The following KCNK2 variants were observed in gnomAD, a reference collection of about 807,000 sequenced individuals.
KCNK2 encodes potassium channel subfamily K member 2.
In KCNK2, 21 loss-of-function variants were observed where a neutral mutation model predicts 40.5. That is an observed-to-expected ratio of 0.52 (90% confidence interval 0.37 to 0.75). KCNK2 has a LOEUF of 0.75. Among genes scored for constraint, KCNK2 ranks in the 30% least tolerant of loss-of-function variants. KCNK2 has a pLI of 0.00. For missense variants in KCNK2, 399 were observed against 531.6 expected, an observed-to-expected ratio of 0.75 and a Z score of 2.45; for synonymous variants, 191 against 202.2, an observed-to-expected ratio of 0.94 and a Z score of 0.47.
chr1:215,119,876 T>C (rs1233490429), intron 2 of KCNK2, among the ~76,000 whole-genome samples: 4 of 152,210 alleles, frequency 2.6e-5, no homozygotes, highest in Non-Finnish European at 5.9e-5. Context: ...ATTGGAAAAG[T>C]ACTCTGATGA....
At chr1:215,215,241 A>G (rs1449928153) in intron 6 of KCNK2, among the ~76,000 whole-genome samples, 1 of 152,060 alleles carries the variant, frequency 6.6e-6, no homozygotes, top group East Asian at 1.9e-4. Context: ...GGCAATAGGT[A>G]ATACTGGTAA....
intron 3 of KCNK2, among the ~76,000 whole-genome samples, chr1:215,141,226 C>T (rs1388723400): frequency 6.6e-6 from 1 of 152,012 alleles, no homozygotes. Flanking sequence ...GGAGTACAAT[C>T]TAAAATAATA....
intron 6 of KCNK2, among the ~76,000 whole-genome samples, chr1:215,209,325 TA>T (rs1665470867): frequency 2.8e-4 from 7 of 25,146 alleles, no homozygotes; most frequent in Non-Finnish European, 4.5e-4. Context: ...AATATACACA[TA>T]TTTTTATATA....
At chr1:215,092,299 C>G (rs1385217440) in intron 2 of KCNK2, among the ~76,000 whole-genome samples, 1 of 152,068 alleles carries the variant, frequency 6.6e-6, no homozygotes, top group Non-Finnish European at 1.5e-5. Flanking sequence ...GAATGGGGCT[C>G]CCACTTTCCT....
chr1:215,079,070 A>C (rs529016919), upstream of KCNK2, among the ~76,000 whole-genome samples: 4 of 152,342 alleles, frequency 2.6e-5, no homozygotes, highest in East Asian at 7.7e-4. Context: ...AAAGCACCAG[A>C]ATAAGGGCAG....
At chr1:215,005,562 G>A (rs1656097469), upstream of KCNK2, among the ~76,000 whole-genome samples, 1 of 152,220 alleles carries the variant, frequency 6.6e-6, no homozygotes, top group Admixed American at 6.5e-5. Flanking sequence ...GAGAATAAGT[G>A]ACGCTGGCAA....
chr1:215,086,055 A>C (rs764636244), intron 1 of KCNK2, among the ~76,000 whole-genome samples: 4 of 152,154 alleles, frequency 2.6e-5, no homozygotes, highest in Non-Finnish European at 4.4e-5. Flanking sequence ...CAGTGGACAG[A>C]TGTAAATTTA....
intron 2 of KCNK2, among the ~76,000 whole-genome samples, chr1:215,116,692 C>G (rs1006862010): frequency 6.6e-6 from 1 of 152,006 alleles, no homozygotes; most frequent in Non-Finnish European, 1.5e-5. Context: ...TCCTTAAAGT[C>G]TGGTGTGCAG....
chr1:215,137,075 A>G (rs12071718), intron 3 of KCNK2, among the ~76,000 whole-genome samples: 1,900 of 152,272 alleles, frequency 0.012, 45 homozygotes, highest in African/African-American at 0.043. Context: ...TGATGGTTTC[A>G]TCAGTGAAAT....
chr1:215,039,712 T>A (rs755906386), intron 1 of KCNK2, among the ~76,000 whole-genome samples: 1 of 152,178 alleles, frequency 6.6e-6, no homozygotes, highest in Non-Finnish European at 1.5e-5. Flanking sequence ...ATTCCCTTTC[T>A]ACAAGTGCTT....
intron 1 of KCNK2, among the ~76,000 whole-genome samples, chr1:215,024,188 G>C (rs1288628064): frequency 6.6e-6 from 1 of 152,160 alleles, no homozygotes; most frequent in Non-Finnish European, 1.5e-5. Flanking sequence ...GGACTCACTG[G>C]AACTACCAGA....
At chr1:215,126,823 G>C (rs1055797388) in intron 3 of KCNK2, among the ~76,000 whole-genome samples, 1 of 152,058 alleles carries the variant, frequency 6.6e-6, no homozygotes, top group African/African-American at 2.4e-5. Context: ...TCTATCTCAG[G>C]CTTTAGTCTT....
At chr1:215,011,093 C>G (rs1656369150) in intron 1 of KCNK2, among the ~76,000 whole-genome samples, 1 of 151,460 alleles carries the variant, frequency 6.6e-6, no homozygotes, top group South Asian at 2.1e-4. Flanking sequence ...AGTTTTGATA[C>G]AGAGTCTTGT....
At position 215,086,629 on chromosome 1, in the gene KCNK2, T is replaced by C; in HGVS notation, c.308T>C (p.Ile103Thr). Reference protein sequence around the residue: ...TTIVIQKQTFISQHSCVNSTE... With the variant: ...TTIVIQKQTFTSQHSCVNSTE... The stretch of plus-strand genomic sequence containing the variant: ...ATTGTGATCCAGAAGCAAACATTCA[T>C]ATCCCAACATTCCTGTGTCAATTCG... Residue 103 changes from isoleucine (I) to threonine (T), a missense_variant, in exon 2 of 7, where the codon ATA (isoleucine) becomes ACA (threonine). Coordinates refer to ENST00000444842, the MANE Select transcript of KCNK2 (RefSeq NM_001017425.3). 6.2e-7 allele frequency: 1 copy of C among 1,614,208 alleles called. No individual in the cohort carries two copies. The highest frequency in any genetic ancestry group is 8.5e-7 in the Non-Finnish European group (1 of 1,180,026).
rs139041832 is a variant in KCNK2, at chr1:215,091,709, G to A, written c.357+5031G>A. Among the ~76,000 whole-genome samples the A allele has an allele frequency of 6.0e-3, 913 of 152,290 alleles. 7 individuals carry two copies. The highest frequency in any genetic ancestry group is 0.021 in the African/African-American group (867 of 41,556). Reference sequence around the variant, plus strand: ...AAAGCAGTGGAGAGGGCTTGGAAATGTTGGATGGCGTTGGTGATTAATTCC... The same window carrying A: ...AAAGCAGTGGAGAGGGCTTGGAAATATTGGATGGCGTTGGTGATTAATTCC... On this transcript the variant is annotated intron_variant, in intron 2 of 6. Transcript: ENST00000444842.
intron 1 of KCNK2, among the ~76,000 whole-genome samples, chr1:215,064,894 C>T (rs1571879505): frequency 6.6e-6 from 1 of 152,074 alleles, no homozygotes; most frequent in Non-Finnish European, 1.5e-5. Context: ...CCCTTATATG[C>T]CCTCTTTATT....
At chr1:215,062,932 T>G (rs1658407803) in intron 1 of KCNK2, among the ~76,000 whole-genome samples, 1 of 151,952 alleles carries the variant, frequency 6.6e-6, no homozygotes, top group Admixed American at 6.6e-5. Context: ...AGAAAACCAA[T>G]GAGGACATAC....
intron 5 of KCNK2, among the ~76,000 whole-genome samples, chr1:215,192,704 G>A (rs1664716417): frequency 6.6e-6 from 1 of 152,136 alleles, no homozygotes; most frequent in African/African-American, 2.4e-5. Context: ...GTTCTGTGAA[G>A]TTTTAGAGCC....
intron 5 of KCNK2, among the ~76,000 whole-genome samples, chr1:215,189,061 A>T (rs925167050): frequency 6.6e-6 from 1 of 152,166 alleles, no homozygotes; most frequent in Non-Finnish European, 1.5e-5. Flanking sequence ...TCTGTTTTAT[A>T]ATACAGGAAA....
Sources: gnomAD v4.1 joint callset for allele counts (sites outside exome capture counted in the v4.1 genomes callset) on GRCh38, gnomAD v4.1.1 for gene constraint, MANE v1.5 for transcripts, NCBI Gene and HGNC (gene_info 2026-07-23, HGNC 2026-07-21) for gene names.